FLG: variants seen among roughly 807,000 people sequenced by gnomAD.
FLG encodes the protein epidermal filaggrin.
In FLG, 6 loss-of-function variants were observed where a neutral mutation model predicts 3.8. The ratio of observed to expected loss-of-function variants is 1.60; its 90% CI spans 0.87 to 3.15. FLG has a LOEUF of 3.15. Among genes scored for constraint, FLG ranks in the 30% most tolerant of loss-of-function variants. FLG has a pLI of 0.00. For missense variants in FLG, 7,595 were observed against 5,050.9 expected (o/e 1.50, Z -15.27); for synonymous variants, 2,551 against 1,931.6 (o/e 1.32, Z -8.41).
At position 152,314,003 on chromosome 1, in the gene FLG, A is replaced by T; in HGVS notation, c.883T>A (p.Ser295Thr). Residue 295 changes from serine to threonine, a missense_variant, in exon 3 of 3, where the codon TCC becomes ACC. Coordinates refer to ENST00000368799, the MANE Select transcript of FLG (RefSeq NM_002016.2). ...QESRTRKRRG[S>T]RVSQDRDSEG... Reference sequence around the variant, plus strand: ...CTGTCCCTGTCCTGGCTAACTCTGGATCCCCTACGCTTTCTTGTCCTGGAC... The same window carrying T: ...CTGTCCCTGTCCTGGCTAACTCTGGTTCCCCTACGCTTTCTTGTCCTGGAC... 3 of 1,614,150 alleles carry T rather than the reference A, an allele frequency of 1.9e-6. No homozygotes were observed. The highest frequency in any genetic ancestry group is 1.7e-5 in the Admixed American group (1 of 60,024).
In FLG at chr1:152,303,222, A is replaced by T. The variant is rs769146303; in HGVS notation, c.11664T>A (p.His3888Gln). 9 of 1,614,016 alleles carry T rather than the reference A, an allele frequency of 5.6e-6. No homozygotes were observed. Among genetic ancestry groups the T allele is most frequent in the Non-Finnish European group, 6.8e-6 (8 of 1,180,016 alleles). Reference protein sequence around the residue: ...RRSESASRNHHGSSREQSRDG... With the variant: ...RRSESASRNHQGSSREQSRDG... ...CTCTTGACTGCTCCCGAGAAGATCC[A>T]TGATGGTTTCTGGAAGCAGACTCAG... Residue 3888 changes from histidine to glutamine, a missense_variant, in exon 3 of 3, where the codon CAT (histidine) becomes CAA (glutamine). Transcript: ENST00000368799.
chr1:152,315,485 GA>G lies in FLG; in HGVS notation c.-21-9del. On this transcript the variant is annotated splice_polypyrimidine_tract_variant and intron_variant, in intron 1 of 2. Transcript: ENST00000368799. ...TTGGCAATAAATGTGAACCTAGAAA[GA>G]AGAAATGAAAATGCACTTTTTTATA... is the stretch of plus-strand genomic sequence containing the variant. 1 of 1,597,708 alleles carries G rather than the reference GA, an allele frequency of 6.3e-7. No homozygotes were observed. Among genetic ancestry groups the G allele is most frequent in the African/African-American group, 1.3e-5 (1 of 74,272 alleles).
At chr1:152,323,979 A>G in intron 1 of FLG, among the ~76,000 whole-genome samples, 1 of 151,816 alleles carries the variant, frequency 6.6e-6, no homozygotes, top group East Asian at 1.9e-4. Flanking sequence ...TAGGATGATA[A>G]TGGCAGAGAG....
In FLG at chr1:152,310,566, AG is replaced by A; in HGVS notation, c.4319del (p.Ser1440PhefsTer6). The A allele has an allele frequency of 6.2e-7, 1 of 1,613,856 alleles. No individual in the cohort carries two copies. The highest frequency in any genetic ancestry group is 8.5e-7 in the Non-Finnish European group (1 of 1,179,934). On this transcript the variant is annotated frameshift_variant, in exon 3 of 3. Transcript: ENST00000368799. LOFTEE classifies it low-confidence loss of function (END_TRUNC). ...QSGESSGRSRSFLYQVSSHEQ... is the reference protein window; with the variant it reads ...QSGESSGRSRXFLYQVSSHEQ... ...CATGAGAGCTCACCTGGTAGAGGAA[AG>A]ACCTTGAACGTCCAGAGCTTTCCCC... is the stretch of plus-strand genomic sequence containing the variant.
rs1356207947 is a variant in FLG at position 152,311,564 on chromosome 1, C to T, written c.3322G>A (p.Gly1108Arg). Residue 1108 changes from glycine to arginine, a missense_variant, in exon 3 of 3, where the codon GGG becomes AGG. Gly to Arg is a moderately radical substitution (Grantham distance 125, BLOSUM62 -2). Coordinates refer to ENST00000368799, the MANE Select transcript of FLG (RefSeq NM_002016.2). Reference protein sequence around the residue: ...SHQESARDWSGGRSGRSGSFI... With the variant: ...SHQESARDWSRGRSGRSGSFI... ...GACCCTGAACGTCCAGACCTTCCCC[C>T]TGACCAGTCACGTGCGGACTCTTGG... 1.2e-6 allele frequency: 2 copies of T among 1,613,886 alleles called. No individual in the cohort carries two copies. Among genetic ancestry groups the T allele is most frequent in the East Asian group, 2.2e-5 (1 of 44,824 alleles).
rs78489268 is a variant in FLG, at chr1:152,311,299, C to T, written c.3587G>A (p.Ser1196Asn). The T allele has an allele frequency of 1.9e-3, 3,036 of 1,613,890 alleles. 53 individuals carry two copies. The African/African-American group carries it at 0.034, about 18-fold the overall frequency. The change falls in exon 3 of 3, where the codon AGC becomes AAC. Residue 1196 changes from serine to asparagine, a missense_variant. Transcript: ENST00000368799. The stretch of plus-strand genomic sequence containing the variant: ...AGACCTTCCCTGGGATGTGGTGTGG[C>T]TGTGATGGGACCCTGAGTGTCCAGA... Reference protein sequence around the residue: ...DRSGHSGSHHSHTTSQGRSDA... With the variant: ...DRSGHSGSHHNHTTSQGRSDA...
rs1651938022 is a variant in FLG, at chr1:152,306,027, A to G, written c.8859T>C (p.Arg2953=). ...SADSSRQSGT[R]HTQTSSGGQA... ...GTCCACCAGAGGAAGTCTGTGTGTG[A>G]CGAGTGCCTGATTGTCTGGAGCTGT... Residue 2953 remains arginine (R), a synonymous_variant, in exon 3 of 3, where the codon CGT becomes CGC. Transcript: ENST00000368799. 6.3e-7 allele frequency: 1 copy of G among 1,590,066 alleles called. No individual in the cohort carries two copies. The highest frequency in any genetic ancestry group is 8.5e-7 in the Non-Finnish European group (1 of 1,177,302).
At chr1:152,320,565 A>G (rs1444370948) in intron 1 of FLG, among the ~76,000 whole-genome samples, 1 of 151,160 alleles carries the variant, frequency 6.6e-6, no homozygotes, top group African/African-American at 2.4e-5. Flanking sequence ...CAAAATACAT[A>G]AATAAAAATC....
chr1:152,309,690 C>T lies in FLG; in HGVS notation c.5196G>A (p.Gln1732=). The part of the protein sequence containing the change: ...SEGHSEESDT[Q]SVSAHGQAGP... ...CAGCCTGTCCGTGGGCTGACACTGA[C>T]TGTGTGTCTGACTCTTCTGAGTGTC... The change falls in exon 3 of 3, where the codon CAG becomes CAA. Residue 1732 remains glutamine, a synonymous_variant. Transcript: ENST00000368799. 1 of 1,614,064 alleles carries T rather than the reference C, an allele frequency of 6.2e-7. No homozygotes were observed. Among genetic ancestry groups the T allele is most frequent in the Non-Finnish European group, 8.5e-7 (1 of 1,180,008 alleles).
At position 152,314,385 on chromosome 1, in the gene FLG, A is replaced by G. The variant is rs779699797; in HGVS notation, c.501T>C (p.Thr167=). 1.2e-6 allele frequency: 2 copies of G among 1,612,632 alleles called. No individual in the cohort carries two copies. Among genetic ancestry groups the G allele is most frequent in the African/African-American group, 2.7e-5 (2 of 74,752 alleles). ...TTTTTCCATATTCTTCTTCTCTATG[A>G]GTAGGTGAATATCCTTTTCTTTCTT... is the stretch of plus-strand genomic sequence containing the variant. ...EKKERKGYSP[T]HREEEYGKNH... The change falls in exon 3 of 3, where the codon ACT becomes ACC. Residue 167 remains threonine (T), a synonymous_variant. Coordinates refer to ENST00000368799, the MANE Select transcript of FLG (RefSeq NM_002016.2).
At position 152,303,508 on chromosome 1, in the gene FLG, G is replaced by T. The variant is rs768921471; in HGVS notation, c.11378C>A (p.Ser3793Tyr). The T allele has an allele frequency of 1.2e-6, 2 of 1,614,096 alleles. No individual in the cohort carries two copies. Among genetic ancestry groups the T allele is most frequent in the South Asian group, 2.2e-5 (2 of 91,072 alleles). The change falls in exon 3 of 3, where the codon TCC becomes TAC. Residue 3793 changes from serine to tyrosine, a missense_variant. Ser to Tyr is a moderately radical substitution (Grantham distance 144, BLOSUM62 -2). Transcript: ENST00000368799. ...ATGGGAGGCATCAGACCTTCCCTGGGATGTGGTGTGGCTGTGATGGGACCC... is the reference window on the plus strand; with the variant it reads ...ATGGGAGGCATCAGACCTTCCCTGGTATGTGGTGTGGCTGTGATGGGACCC... ...HSGSHHSHTT[S>Y]QGRSDASHGQ...
In FLG at chr1:152,311,128, C is replaced by A; in HGVS notation, c.3758G>T (p.Gly1253Val). 6.2e-7 allele frequency: 1 copy of A among 1,613,886 alleles called. No homozygotes were observed. Among genetic ancestry groups the A allele is most frequent in the Non-Finnish European group, 8.5e-7 (1 of 1,179,988 alleles). ...WADSSRHSQV[G>V]QEQSSGSRTS... is the part of the protein sequence containing the mutation. ...CCTGGACCCCGATGATTGTTCCTGT[C>A]CCACCTGTGAGTGTCTAGAGCTGTC... Residue 1253 changes from glycine to valine, a missense_variant, in exon 3 of 3, where the codon GGA becomes GTA. By Grantham distance (109) the Gly-to-Val change is moderately radical (BLOSUM62 -3). Coordinates refer to ENST00000368799, the MANE Select transcript of FLG (RefSeq NM_002016.2).
chr1:152,304,661 G>T lies in FLG; in HGVS notation c.10225C>A (p.Arg3409=). Residue 3409 remains arginine (R), a synonymous_variant, in exon 3 of 3, where the codon CGA becomes AGA. Transcript: ENST00000368799. The part of the protein sequence containing the change: ...AHGRTRTSTG[R]RQGSHHEQAR... ...TGCTCGTGGTGGGATCCTTGTCTTC[G>T]TCCAGTGCTGGTCCTGGTCCGCCCA... The T allele has an allele frequency of 1.2e-6, 2 of 1,609,408 alleles. No homozygotes were observed. Among genetic ancestry groups the T allele is most frequent in the Non-Finnish European group, 1.7e-6 (2 of 1,177,736 alleles).
chr1:152,308,485 C>T lies in FLG; in HGVS notation c.6401G>A (p.Gly2134Asp), dbSNP rs1336162805. 2 of 1,613,750 alleles carry T rather than the reference C, an allele frequency of 1.2e-6. No individual in the cohort carries two copies. Among genetic ancestry groups the T allele is most frequent in the South Asian group, 1.1e-5 (1 of 91,028 alleles). The change falls in exon 3 of 3, where the codon GGT becomes GAT. Residue 2134 changes from glycine (G) to aspartate (D), a missense_variant. Physicochemically the swap from Gly to Asp is moderately conservative, Grantham distance 94. Coordinates refer to ENST00000368799, the MANE Select transcript of FLG (RefSeq NM_002016.2). ...DSSRHSASQE[G>D]QDTIRGHPGP... ...CGGGTGTCCACGAATGGTGTCCTGACCCTCTTGGGATGCTGAGTGCCTGGA... is the reference window on the plus strand; with the variant it reads ...CGGGTGTCCACGAATGGTGTCCTGATCCTCTTGGGATGCTGAGTGCCTGGA...
chr1:152,310,732 C>T lies in FLG; in HGVS notation c.4154G>A (p.Ser1385Asn), dbSNP rs757798135. Residue 1385 changes from serine (S) to asparagine (N), a missense_variant, in exon 3 of 3, where the codon AGT becomes AAT. Ser to Asn is a conservative substitution (Grantham distance 46). Coordinates refer to ENST00000368799, the MANE Select transcript of FLG (RefSeq NM_002016.2). ...ACTACCACTGGACCCTCGGTGTCCACTGTCTCTGACTGCAGATGAAGCTTG... is the reference window on the plus strand; with the variant it reads ...ACTACCACTGGACCCTCGGTGTCCATTGTCTCTGACTGCAGATGAAGCTTG... ...HRQASSAVRD[S>N]GHRGSSGSQV... 2 of 1,613,986 alleles carry T rather than the reference C, an allele frequency of 1.2e-6. No homozygotes were observed. The highest frequency in any genetic ancestry group is 1.3e-5 in the African/African-American group (1 of 74,888).
rs777504256 is a variant in FLG at position 152,314,475 on chromosome 1, A to T, written c.411T>A (p.Asn137Lys). ...CTCTTGGGCTCTTGGATCTTCCCTTATTCCCTTTTCTATTGTTTCTTCTTT... is the reference window on the plus strand; with the variant it reads ...CTCTTGGGCTCTTGGATCTTCCCTTTTTCCCTTTTCTATTGTTTCTTCTTT... ...SLERRNNRKG[N>K]KGRSKSPRET... The change falls in exon 3 of 3, where the codon AAT (asparagine) becomes AAA (lysine). Residue 137 changes from asparagine (N) to lysine (K), a missense_variant. Physicochemically the swap from Asn to Lys is moderately conservative, Grantham distance 94. Coordinates refer to ENST00000368799, the MANE Select transcript of FLG (RefSeq NM_002016.2). 7.5e-6 allele frequency: 12 copies of T among 1,609,820 alleles called. No homozygotes were observed. The highest frequency in any genetic ancestry group is 1.6e-4 in the Middle Eastern group (1 of 6,078).
chr1:152,307,053 T>G lies in FLG; in HGVS notation c.7833A>C (p.Glu2611Asp), dbSNP rs1243145684. The change falls in exon 3 of 3, where the codon GAA (glutamate) becomes GAC (aspartate). Residue 2611 changes from glutamate (E) to aspartate (D), a missense_variant. Glu to Asp is a conservative substitution (Grantham distance 45, BLOSUM62 2). Transcript: ENST00000368799. ...DGSRHPRSHQEDRAGHGHSAD... is the reference protein window; with the variant it reads ...DGSRHPRSHQDDRAGHGHSAD... Reference sequence around the variant, plus strand: ...CAGAGTGCCCATGACCAGCTCTGTCTTCTTGATGGGACCTGGGGTGTCTGG... The same window carrying G: ...CAGAGTGCCCATGACCAGCTCTGTCGTCTTGATGGGACCTGGGGTGTCTGG... 4.4e-6 allele frequency: 7 copies of G among 1,607,606 alleles called. No homozygotes were observed. The highest frequency in any genetic ancestry group is 5.9e-6 in the Non-Finnish European group (7 of 1,179,060).
Position 152,314,188 on chromosome 1 carries a change from A to T in FLG, c.698T>A (p.Ile233Asn), listed in dbSNP as rs369330096. 8 of 1,614,022 alleles carry T rather than the reference A, an allele frequency of 5.0e-6. No individual in the cohort carries two copies. Among genetic ancestry groups the T allele is most frequent in the Non-Finnish European group, 6.8e-6 (8 of 1,180,032 alleles). ...MTQKWIQSGHIATYYTIQDEA... is the reference protein window; with the variant it reads ...MTQKWIQSGHNATYYTIQDEA... ...ATCCTGGATTGTGTAATATGTGGCA[A>T]TATGGCCTGATTGTATCCATTTTTG... Residue 233 changes from isoleucine to asparagine, a missense_variant, in exon 3 of 3, where the codon ATT (isoleucine) becomes AAT (asparagine). Ile to Asn is a moderately radical substitution (Grantham distance 149, BLOSUM62 -3). Coordinates refer to ENST00000368799, the MANE Select transcript of FLG (RefSeq NM_002016.2).
chr1:152,320,638 C>T (rs2101657807), intron 1 of FLG, among the ~76,000 whole-genome samples: 1 of 151,086 alleles, frequency 6.6e-6, no homozygotes, highest in South Asian at 2.1e-4. Context: ...ATACACTTCT[C>T]TCAGCAACTG....
Sources: allele counts gnomAD v4.1 joint callset (sites outside exome capture counted in the v4.1 genomes callset), GRCh38; gene constraint gnomAD v4.1.1; transcripts MANE v1.5; gene names NCBI Gene and HGNC (gene_info 2026-07-23, HGNC 2026-07-21).